The following TGIF2 variants were observed in gnomAD, a reference collection of about 807,000 sequenced individuals.
TGIF2 encodes homeobox protein TGIF2.
Under a neutral mutation model 15.1 loss-of-function variants are expected in TGIF2, and 5 were observed. That is an observed-to-expected ratio of 0.33 (90% CI 0.17 to 0.70). TGIF2 has a LOEUF of 0.70. Ranked by LOEUF, TGIF2 falls within the 30% of genes least tolerant of loss-of-function variation. The pLI, the probability that TGIF2 is intolerant of heterozygous loss-of-function variation, is 0.67. For missense variants in TGIF2, 264 were observed against 302.5 expected (o/e 0.87, Z 0.94); for synonymous variants, 131 against 128.9 (o/e 1.02, Z -0.11).
At chr20:36,589,973 GCTGCAGCACCCAGCCTGACT>G (rs1443054312) in intron 2 of TGIF2, among the ~76,000 whole-genome samples, 4 of 152,048 alleles carry the variant, frequency 2.6e-5, no homozygotes, top group Non-Finnish European at 4.4e-5. Context: ...GCAGGCGTGA[GCTGCAGCACCCAGCCTGACT>G]CTCCAGGCTG....
At position 36,590,896 on chromosome 20, in the gene TGIF2, T is replaced by C; in HGVS notation, c.193-14T>C. ...AGATTAAGCAAATTGATCGGTCTTG[T>C]ATATTCATTCCAGATATGTAACTGG... On this transcript the variant is annotated splice_polypyrimidine_tract_variant and intron_variant, in intron 2 of 2. Transcript: ENST00000373872. The C allele has an allele frequency of 6.6e-7, 1 of 1,513,726 alleles. No individual in the cohort carries two copies. Among genetic ancestry groups the C allele is most frequent in the Non-Finnish European group, 8.9e-7 (1 of 1,129,446 alleles). 93.8% of individuals were successfully genotyped at this position (1,513,726 alleles called of 1,614,324 possible). A position where few individuals can be genotyped will look rare whatever the true frequency, so the allele number is the denominator to read the frequency against.
chr20:36,576,599 C>T (rs768931499), intron 1 of TGIF2, among the ~76,000 whole-genome samples: 13 of 152,012 alleles, frequency 8.6e-5, no homozygotes, highest in Non-Finnish European at 1.8e-4. Context: ...TTTTCCTTTA[C>T]AGCTTTATTG....
intron 2 of TGIF2, among the ~76,000 whole-genome samples, chr20:36,579,235 G>A (rs2038495514): frequency 6.6e-6 from 1 of 152,094 alleles, no homozygotes; most frequent in African/African-American, 2.4e-5. Flanking sequence ...GCAGTGATGC[G>A]ATCTCGGCTC....
intron 2 of TGIF2, among the ~76,000 whole-genome samples, chr20:36,586,094 G>A (rs1020640489): frequency 6.6e-6 from 1 of 152,218 alleles, no homozygotes; most frequent in African/African-American, 2.4e-5. Flanking sequence ...GGCAGCCAGG[G>A]ATGTAGGAGC....
chr20:36,585,040 A>G (rs2038626323), intron 2 of TGIF2, among the ~76,000 whole-genome samples: 1 of 152,006 alleles, frequency 6.6e-6, no homozygotes, highest in South Asian at 2.1e-4. Context: ...CTACTAAAAA[A>G]TAGACAATTA....
intron 2 of TGIF2, among the ~76,000 whole-genome samples, chr20:36,585,994 C>T (rs1275518087): frequency 2.6e-5 from 4 of 152,144 alleles, no homozygotes; most frequent in Non-Finnish European, 5.9e-5. Context: ...CAGCAGTCCC[C>T]CTGGCGAGGG....
At chr20:36,577,382 G>A (rs993815938) in intron 1 of TGIF2, among the ~76,000 whole-genome samples, 2 of 143,250 alleles carry the variant, frequency 1.4e-5, no homozygotes, top group Non-Finnish European at 3.1e-5. Flanking sequence ...TTTTTTTTTT[G>A]GTATTTTTAG....
At chr20:36,579,846 T>C (rs1312185788) in intron 2 of TGIF2, among the ~76,000 whole-genome samples, 1 of 152,246 alleles carries the variant, frequency 6.6e-6, no homozygotes, top group Non-Finnish European at 1.5e-5. Flanking sequence ...TTGCAAACCA[T>C]GCACATGAAC....
chr20:36,578,629 C>G, intron 1 of TGIF2, 112 bp from the exon 2 acceptor site: 3 of 1,213,154 alleles, frequency 2.5e-6, no homozygotes, highest in Non-Finnish European at 3.4e-6. Context: ...TTCTGAATTG[C>G]AACTACCCCA....
At chr20:36,582,001 C>T (rs965822204) in intron 2 of TGIF2, among the ~76,000 whole-genome samples, 6 of 152,026 alleles carry the variant, frequency 3.9e-5, no homozygotes, top group African/African-American at 9.7e-5. Context: ...TTTGCGAGGC[C>T]GATGCGGGCG....
chr20:36,581,632 CTG>C (rs11472732), intron 2 of TGIF2, among the ~76,000 whole-genome samples: 5 of 150,458 alleles, frequency 3.3e-5, no homozygotes, highest in Admixed American at 6.6e-5. Context: ...ATTTATTTAT[CTG>C]TGTGTGTGTG....
At chr20:36,575,470 C>T (rs1006849998) in intron 1 of TGIF2, among the ~76,000 whole-genome samples, 1 of 152,196 alleles carries the variant, frequency 6.6e-6, no homozygotes, top group Non-Finnish European at 1.5e-5. Flanking sequence ...CCGGCCAGGG[C>T]TGCATCACTG....
At chr20:36,586,699 C>CG (rs923702016) in intron 2 of TGIF2, among the ~76,000 whole-genome samples, 5 of 146,442 alleles carry the variant, frequency 3.4e-5, no homozygotes, top group South Asian at 2.3e-4. Context: ...CATTTCCCCC[C>CG]CCCCAAAAAA....
chr20:36,578,685 T>G (rs1377607472), intron 1 of TGIF2, 56 bp from the exon 2 acceptor site: 32 of 1,495,200 alleles, frequency 2.1e-5, no homozygotes, highest in Non-Finnish European at 2.5e-5. Flanking sequence ...GTTTGGAGAC[T>G]AGGAAAAGGC....
intron 2 of TGIF2, 68 bp downstream of exon 2, chr20:36,579,034 A>C: frequency 1.9e-6 from 3 of 1,549,538 alleles, no homozygotes; most frequent in African/African-American, 1.4e-5. Flanking sequence ...CAGCTGTGTC[A>C]CTGAGTCACT....
At position 36,586,703 on chromosome 20, in the gene TGIF2, C is replaced by A. The variant is rs1215752674; in HGVS notation, c.193-4207C>A. Among the ~76,000 whole-genome samples the A allele has an allele frequency of 5.9e-4, 78 of 131,960 alleles. 2 individuals are homozygous for A. The South Asian group carries it at 0.01, about 18-fold the overall frequency. The allele number at this position is 131,960 out of a possible 152,430, so 86.6% of individuals were successfully genotyped here. ...AAGTGAGACTCCATTTCCCCCCCCC[C>A]AAAAAAAAAAATCTCCCCTAAGGTG... On this transcript the variant is annotated intron_variant, in intron 2 of 2. Transcript: ENST00000373872.
Position 36,592,854 on chromosome 20 carries a change from C to CT in TGIF2, c.*1424dup, listed in dbSNP as rs1362766355. 3 of 154,114 alleles carry CT rather than the reference C, an allele frequency of 1.9e-5. No homozygotes were observed. Among genetic ancestry groups the CT allele is most frequent in the Non-Finnish European group, 4.3e-5 (3 of 69,614 alleles). The allele number at this position is 154,114 out of a possible 1,614,324, so 9.5% of individuals were successfully genotyped here. A position where few individuals can be genotyped will look rare whatever the true frequency, so the allele number is the denominator to read the frequency against. ...TGTTTTTTTGAGACAGAGTCATGCT[C>CT]TGTCACCCGGGCTGGAGTGCAGTGG... On this transcript the variant is annotated 3_prime_UTR_variant, in exon 3 of 3. Coordinates refer to ENST00000373872, the MANE Select transcript of TGIF2 (RefSeq NM_021809.7).
At chr20:36,578,389 G>C (rs1422944624) in intron 1 of TGIF2, among the ~76,000 whole-genome samples, 1 of 151,544 alleles carries the variant, frequency 6.6e-6, no homozygotes, top group African/African-American at 2.4e-5. Flanking sequence ...CTCTAGCATG[G>C]GCTACAGAGT....
intron 2 of TGIF2, among the ~76,000 whole-genome samples, chr20:36,590,257 G>A (rs562437377): frequency 1.5e-4 from 22 of 151,296 alleles, no homozygotes; most frequent in African/African-American, 3.9e-4. Flanking sequence ...GTGCCCAGCC[G>A]GGGGAGGGTC....
Sources: allele counts gnomAD v4.1 joint callset (sites outside exome capture counted in the v4.1 genomes callset), GRCh38; gene constraint gnomAD v4.1.1; transcripts MANE v1.5; gene names NCBI Gene and HGNC (gene_info 2026-07-23, HGNC 2026-07-21).